The following GLIS3 variants were observed in gnomAD, a reference collection of about 807,000 sequenced individuals.
The protein encoded by GLIS3 is GLIS family zinc finger 3, also known as zinc finger protein GLIS3.
In GLIS3, 53 loss-of-function variants were observed where a neutral mutation model predicts 78.6. The observed-to-expected ratio is 0.67, with a 90% confidence interval of 0.54 to 0.85. GLIS3 has a LOEUF of 0.85. Among genes scored for constraint, GLIS3 ranks in the 40% least tolerant of loss-of-function variants. GLIS3 has a pLI of 0.00. For synonymous variants in GLIS3, 684 were observed against 509.9 expected (o/e 1.34, Z -4.60); for missense variants, 1,703 against 1,231.1 (o/e 1.38, Z -5.74).
the GLIS3 span, among the ~76,000 whole-genome samples, chr9:4,368,876 G>T: frequency 6.6e-6 from 1 of 152,174 alleles, no homozygotes; most frequent in Non-Finnish European, 1.5e-5. Context: ...CTTGAAGCAA[G>T]GTGGCAATTT....
rs555923009 is a variant in GLIS3 at position 4,183,674 on chromosome 9, G to A, written c.389-57733C>T. Among the ~76,000 whole-genome samples, 5 of 152,204 alleles carry A rather than the reference G, an allele frequency of 3.3e-5. No homozygotes were observed. The South Asian group carries it at 8.3e-4, about 25-fold the overall frequency. ...GTCTCTTTCAGCTTCAACTTAATATGTTAAGTACATCTTACAAAATTTAAA... is the reference window on the plus strand; with the variant it reads ...GTCTCTTTCAGCTTCAACTTAATATATTAAGTACATCTTACAAAATTTAAA... On this transcript the variant is annotated intron_variant, in intron 2 of 10. Transcript: ENST00000381971.
At chr9:4,404,044 C>T in the GLIS3 span, among the ~76,000 whole-genome samples, 1 of 151,956 alleles carries the variant, frequency 6.6e-6, no homozygotes, top group African/African-American at 2.4e-5. Context: ...TAATCCACGA[C>T]AATAGAAACC....
chr9:4,353,932 A>G, the GLIS3 span, among the ~76,000 whole-genome samples: 1 of 151,430 alleles, frequency 6.6e-6, no homozygotes, highest in Non-Finnish European at 1.5e-5. Flanking sequence ...GGTTCACGCC[A>G]TTCTCCTGCC....
chr9:4,456,102 C>T, the GLIS3 span, among the ~76,000 whole-genome samples: 1 of 151,718 alleles, frequency 6.6e-6, no homozygotes, highest in Non-Finnish European at 1.5e-5. Flanking sequence ...AGTGAGACTC[C>T]ATCTAAGAAA....
chr9:3,932,454 T>A lies in GLIS3; in HGVS notation c.1889A>T (p.Gln630Leu). The A allele has an allele frequency of 6.2e-7, 1 of 1,613,168 alleles. No individual in the cohort carries two copies. Among genetic ancestry groups the A allele is most frequent in the African/African-American group, 1.3e-5 (1 of 75,024 alleles). Reference protein sequence around the residue: ...THLDTKPYACQIPGCTKRYTD... With the variant: ...THLDTKPYACLIPGCTKRYTD... ...GTAGCGTTTGGTACATCCTGGAATT[T>A]GACAAGCATAAGGTTTCTAAATGAG... Residue 630 changes from glutamine to leucine, a missense_variant, in exon 6 of 11, where the codon CAA (glutamine) becomes CTA (leucine). Physicochemically the swap from Gln to Leu is moderately radical, Grantham distance 113. Coordinates refer to ENST00000381971, the MANE Select transcript of GLIS3 (RefSeq NM_001042413.2).
At chr9:4,254,193 C>G (rs764201782) in intron 2 of GLIS3, among the ~76,000 whole-genome samples, 1 of 152,168 alleles carries the variant, frequency 6.6e-6, no homozygotes, top group Non-Finnish European at 1.5e-5. Flanking sequence ...AGTGTACAAA[C>G]ATAAATAAGA....
chr9:4,026,074 A>G (rs1004680277), intron 4 of GLIS3, among the ~76,000 whole-genome samples: 1 of 152,212 alleles, frequency 6.6e-6, no homozygotes, highest in African/African-American at 2.4e-5. Flanking sequence ...CATTAACATT[A>G]TTAATTATAA....
chr9:4,366,855 C>T, the GLIS3 span, among the ~76,000 whole-genome samples: 39 of 152,302 alleles, frequency 2.6e-4, no homozygotes, highest in African/African-American at 8.9e-4. Flanking sequence ...CCAATGCCAC[C>T]ATGTTGTCAG....
At chr9:3,946,659 T>G (rs10491899) in intron 4 of GLIS3, among the ~76,000 whole-genome samples, 5 of 152,040 alleles carry the variant, frequency 3.3e-5, no homozygotes, top group East Asian at 1.9e-4. Context: ...TCTGAGAAAT[T>G]TGTAGCAACA....
At chr9:3,971,549 G>C (rs1375282381) in intron 4 of GLIS3, among the ~76,000 whole-genome samples, 1 of 152,126 alleles carries the variant, frequency 6.6e-6, no homozygotes, top group Admixed American at 6.6e-5. Flanking sequence ...GCACAACAAA[G>C]ACACAGACAC....
At chr9:4,393,522 G>A in the GLIS3 span, among the ~76,000 whole-genome samples, 2 of 152,088 alleles carry the variant, frequency 1.3e-5, no homozygotes, top group African/African-American at 4.8e-5. Flanking sequence ...TCCAGCCCAA[G>A]ATCTAATCCC....
At chr9:4,369,703 T>C in the GLIS3 span, among the ~76,000 whole-genome samples, 1 of 152,144 alleles carries the variant, frequency 6.6e-6, no homozygotes, top group South Asian at 2.1e-4. Flanking sequence ...AATGTGATTA[T>C]TGGAAGACTT....
chr9:3,860,649 C>A (rs1024554277), intron 8 of GLIS3, among the ~76,000 whole-genome samples: 8 of 152,184 alleles, frequency 5.3e-5, no homozygotes, highest in African/African-American at 1.4e-4. Context: ...GGCCAGAAGT[C>A]ACACCCACCT....
chr9:4,328,326 T>C (rs1051854864), intron 2 of GLIS3, among the ~76,000 whole-genome samples: 18 of 152,108 alleles, frequency 1.2e-4, no homozygotes, highest in African/African-American at 4.1e-4. Flanking sequence ...CCCCTGAAGT[T>C]CCAGTTGAAC....
intron 4 of GLIS3, among the ~76,000 whole-genome samples, chr9:3,988,099 G>C (rs1238760542): frequency 6.6e-6 from 1 of 152,052 alleles, no homozygotes; most frequent in Non-Finnish European, 1.5e-5. Flanking sequence ...TTTTTAATCT[G>C]TAACCATGGA....
At chr9:4,073,826 G>A (rs898966680) in intron 4 of GLIS3, among the ~76,000 whole-genome samples, 9 of 152,092 alleles carry the variant, frequency 5.9e-5, no homozygotes, top group East Asian at 1.9e-4. Flanking sequence ...GTAAAATTAC[G>A]CATGAAAGTG....
chr9:4,136,714 G>A (rs1053377309), intron 2 of GLIS3, among the ~76,000 whole-genome samples: 4 of 152,164 alleles, frequency 2.6e-5, no homozygotes, highest in Non-Finnish European at 5.9e-5. Flanking sequence ...GAGGCACAAT[G>A]CGTCCTGGAG....
At chr9:4,328,835 C>T (rs754565496) in intron 2 of GLIS3, among the ~76,000 whole-genome samples, 4 of 152,166 alleles carry the variant, frequency 2.6e-5, no homozygotes, top group African/African-American at 4.8e-5. Context: ...GTGCCCGGCA[C>T]GTGACAAGCA....
At chr9:4,190,357 G>T (rs9776955) in intron 2 of GLIS3, among the ~76,000 whole-genome samples, 8,431 of 152,120 alleles carry the variant, frequency 0.055, 786 homozygotes, top group African/African-American at 0.19. Context: ...GGAGCTGAAA[G>T]TCAAGGCTCG....
Sources: allele counts gnomAD v4.1 joint callset (sites outside exome capture counted in the v4.1 genomes callset), GRCh38; gene constraint gnomAD v4.1.1; transcripts MANE v1.5; gene names NCBI Gene and HGNC (gene_info 2026-07-23, HGNC 2026-07-21).